The following AMPD3 variants were observed in gnomAD, a reference collection of about 807,000 sequenced individuals.
The protein encoded by AMPD3 is adenosine monophosphate deaminase 3.
A neutral mutation model predicts 82.3 loss-of-function variants in AMPD3; 57 were observed. The observed-to-expected ratio is 0.69, with a 90% CI of 0.56 to 0.86. AMPD3 has a LOEUF of 0.86. Among genes scored for constraint, AMPD3 ranks in the 40% least tolerant of loss-of-function variants. The pLI, the probability that AMPD3 is intolerant of heterozygous loss-of-function variation, is 0.00. For missense variants in AMPD3, 870 were observed against 1,003.8 expected (o/e 0.87, Z 1.80); for synonymous variants, 381 against 394.7 (o/e 0.97, Z 0.41).
At chr11:10,465,225 C>T (rs1848384748) in intron 2 of AMPD3, among the ~76,000 whole-genome samples, 1 of 152,118 alleles carries the variant, frequency 6.6e-6, no homozygotes, top group Non-Finnish European at 1.5e-5. Context: ...GAAAAGCAGG[C>T]ACAAGAATTT....
At chr11:10,474,472 G>A (rs1848682071) in intron 2 of AMPD3, among the ~76,000 whole-genome samples, 1 of 152,204 alleles carries the variant, frequency 6.6e-6, no homozygotes, top group South Asian at 2.1e-4. Context: ...AAGGCCCTGG[G>A]AGCCTGATTC....
At chr11:10,493,587 T>C (rs780288644) in intron 7 of AMPD3, 44 bp downstream of exon 7, 18 of 1,603,794 alleles carry the variant, frequency 1.1e-5, no homozygotes, top group Non-Finnish European at 1.4e-5. Flanking sequence ...ACAGCAGCCC[T>C]GGCTGGGGAC....
chr11:10,468,629 G>A (rs1848491962), intron 2 of AMPD3, among the ~76,000 whole-genome samples: 1 of 152,130 alleles, frequency 6.6e-6, no homozygotes, highest in Non-Finnish European at 1.5e-5. Flanking sequence ...AATTAACAAG[G>A]ATATTCAGGA....
At chr11:10,505,080 A>T (rs945612241) in intron 14 of AMPD3, 1 of 981,984 alleles carries the variant, frequency 1.0e-6, no homozygotes, top group Non-Finnish European at 1.2e-6. Context: ...CAGGCGCTCA[A>T]TATTTCTTGA....
intron 11 of AMPD3, 98 bp from the exon 12 acceptor site, chr11:10,501,372 G>T: frequency 6.5e-7 from 1 of 1,547,532 alleles, no homozygotes; most frequent in East Asian, 2.3e-5. Flanking sequence ...ACCATGGGTG[G>T]TCATTCCCCC....
chr11:10,478,325 G>A, intron 2 of AMPD3: 1 of 985,386 alleles, frequency 1.0e-6, no homozygotes, highest in Middle Eastern at 5.2e-4. Flanking sequence ...CACAGGTAGG[G>A]GTGTCTGGAG....
At position 10,456,300 on chromosome 11, in the gene AMPD3, C is replaced by T. The variant is rs760553356; in HGVS notation, c.-6+852C>T. The T allele has an allele frequency of 1.6e-4, 253 of 1,600,842 alleles. No homozygotes were observed. The highest frequency in any genetic ancestry group is 7.4e-4 in the South Asian group (67 of 89,956). ...GGCAGACAGGACCCAGCCAGCTGCA[C>T]GCACGCACTGACTCAGCTGAGCCTC... On this transcript the variant is annotated intron_variant, in intron 1 of 14. Coordinates refer to ENST00000396553, the MANE Select transcript of AMPD3 (RefSeq NM_001025389.2). This position sits in a 1 kb window ranked among gnomAD's most constrained non-coding sequence, Gnocchi z 4.3.
intron 9 of AMPD3, 140 bp downstream of exon 9, chr11:10,495,873 A>G (rs1177777756): frequency 2.7e-6 from 3 of 1,117,962 alleles, no homozygotes; most frequent in East Asian, 5.1e-5. Flanking sequence ...GGATTTTTCC[A>G]TAGAAGGAGT....
chr11:10,497,437 G>GT (rs1849443405), intron 10 of AMPD3, among the ~76,000 whole-genome samples: 2 of 152,218 alleles, frequency 1.3e-5, no homozygotes, highest in South Asian at 4.1e-4. Flanking sequence ...AGCAGTCTGG[G>GT]AGAGGCTTAA....
intron 1 of AMPD3, chr11:10,455,784 TC>T: frequency 2.6e-6 from 1 of 381,734 alleles, no homozygotes; most frequent in Non-Finnish European, 3.6e-6. Flanking sequence ...GGATTGAAGC[TC>T]CCCCTGGCAG....
chr11:10,497,768 G>A (rs915966742), intron 10 of AMPD3: 23 of 985,036 alleles, frequency 2.3e-5, no homozygotes, highest in Admixed American at 6.2e-5. Context: ...CTGGAGACAG[G>A]AGGGGAGCTT....
intron 5 of AMPD3, among the ~76,000 whole-genome samples, chr11:10,486,209 T>A (rs767344602): frequency 1.1e-4 from 16 of 152,066 alleles, no homozygotes; most frequent in Non-Finnish European, 1.8e-4. Context: ...GCCTTTAAAC[T>A]CCCTTCCGAC....
chr11:10,506,064 A>G lies in AMPD3; in HGVS notation c.*180A>G. Reference sequence around the variant, plus strand: ...AGAGTTAACATGCTCACTTGTTAGTATTTCTGAGTAACAAGATGGTGACTT... The same window carrying G: ...AGAGTTAACATGCTCACTTGTTAGTGTTTCTGAGTAACAAGATGGTGACTT... On this transcript the variant is annotated 3_prime_UTR_variant, in exon 15 of 15. Coordinates refer to ENST00000396553, the MANE Select transcript of AMPD3 (RefSeq NM_001025389.2). This position sits in a 1 kb window ranked among gnomAD's most constrained non-coding sequence, Gnocchi z 4.1. The G allele has an allele frequency of 1.5e-6, 1 of 679,238 alleles. No individual in the cohort carries two copies. Among genetic ancestry groups the G allele is most frequent in the South Asian group, 1.7e-5 (1 of 60,140 alleles). 42.1% of individuals were successfully genotyped at this position (679,238 alleles called of 1,614,324 possible). A position where few individuals can be genotyped will look rare whatever the true frequency, so the allele number is the denominator to read the frequency against.
chr11:10,450,565 G>T (rs1228861001), upstream of AMPD3: 3 of 986,852 alleles, frequency 3.0e-6, no homozygotes, highest in African/African-American at 5.2e-5. Flanking sequence ...CGGGGCCAGC[G>T]CAGTTGAGGT....
intron 2 of AMPD3, among the ~76,000 whole-genome samples, chr11:10,475,415 G>A (rs943311029): frequency 5.3e-5 from 8 of 151,968 alleles, no homozygotes; most frequent in African/African-American, 1.9e-4. Context: ...AAACCATGTC[G>A]CACACCCTCT....
intron 6 of AMPD3, among the ~76,000 whole-genome samples, chr11:10,492,928 A>T (rs974394416): frequency 6.6e-6 from 1 of 152,144 alleles, no homozygotes; most frequent in African/African-American, 2.4e-5. Flanking sequence ...AGTGTACTGT[A>T]CCTTGGTGTG....
chr11:10,479,867 T>G, intron 3 of AMPD3: 1 of 983,106 alleles, frequency 1.0e-6, no homozygotes, highest in Non-Finnish European at 1.2e-6. Flanking sequence ...TTATTTTAAT[T>G]AAGTTCCCAT....
chr11:10,467,308 T>G (rs1021350320), intron 2 of AMPD3, among the ~76,000 whole-genome samples: 1 of 152,088 alleles, frequency 6.6e-6, no homozygotes, highest in Non-Finnish European at 1.5e-5. Context: ...AAAACCAGTT[T>G]AGAGAAGAAC....
At chr11:10,463,573 G>A (rs1353423473) in intron 2 of AMPD3, among the ~76,000 whole-genome samples, 1 of 152,198 alleles carries the variant, frequency 6.6e-6, no homozygotes, top group Non-Finnish European at 1.5e-5. Context: ...CCTTAACAAT[G>A]AGAGGAAAAG....
Sources: allele counts gnomAD v4.1 joint callset (sites outside exome capture counted in the v4.1 genomes callset), GRCh38; gene constraint gnomAD v4.1.1; non-coding constraint Gnocchi (gnomAD v3.1); transcripts MANE v1.5; gene names NCBI Gene and HGNC (gene_info 2026-07-23, HGNC 2026-07-21).